Variants in LOC128092253 observed in about 807,000 individuals in gnomAD.
At chr6:133,972,534 G>A in the LOC128092253 span, among the ~76,000 whole-genome samples, 1 of 152,102 alleles carries the variant, frequency 6.6e-6, no homozygotes, top group African/African-American at 2.4e-5. Context: ...GGTTCATTTG[G>A]TTCTTGTCAC....
At chr6:133,958,196 G>T in the LOC128092253 span, among the ~76,000 whole-genome samples, 2 of 152,160 alleles carry the variant, frequency 1.3e-5, no homozygotes, top group East Asian at 1.9e-4. Context: ...CTGTGGACTT[G>T]ACTTGTTTAG....
chr6:133,961,807 T>G, the LOC128092253 span, among the ~76,000 whole-genome samples: 6 of 152,210 alleles, frequency 3.9e-5, no homozygotes, highest in African/African-American at 1.4e-4. Flanking sequence ...AGACCTTCCC[T>G]GGATCATTGC....
chr6:133,955,438 ATT>A, the LOC128092253 span, among the ~76,000 whole-genome samples: 1 of 151,944 alleles, frequency 6.6e-6, no homozygotes, highest in Non-Finnish European at 1.5e-5. Flanking sequence ...TTCTTACAGC[ATT>A]TTCAACATGT....
At chr6:133,968,186 A>G in the LOC128092253 span, among the ~76,000 whole-genome samples, 1 of 151,970 alleles carries the variant, frequency 6.6e-6, no homozygotes, top group East Asian at 1.9e-4. Flanking sequence ...ACGGGGTTTC[A>G]CCATGTTAGC....
the LOC128092253 span, among the ~76,000 whole-genome samples, chr6:133,968,539 T>A: frequency 2.6e-5 from 4 of 152,360 alleles, no homozygotes; most frequent in Middle Eastern, 3.4e-3. Context: ...TGAGTTTTTT[T>A]ATTCTTCAAA....
chr6:133,972,584 C>T, the LOC128092253 span, among the ~76,000 whole-genome samples: 1 of 152,186 alleles, frequency 6.6e-6, no homozygotes, highest in Non-Finnish European at 1.5e-5. Context: ...TGGAAACACA[C>T]GGGCATGGCT....
At chr6:133,963,236 G>A in the LOC128092253 span, among the ~76,000 whole-genome samples, 2 of 152,156 alleles carry the variant, frequency 1.3e-5, no homozygotes, top group Non-Finnish European at 2.9e-5. Context: ...AGGATTTATG[G>A]AGAGGGAAAT....
At chr6:133,960,181 G>A in the LOC128092253 span, among the ~76,000 whole-genome samples, 1 of 152,122 alleles carries the variant, frequency 6.6e-6, no homozygotes, top group Non-Finnish European at 1.5e-5. Context: ...TACAGATTAG[G>A]GTGGTTGCAG....
chr6:133,955,341 A>G, the LOC128092253 span, among the ~76,000 whole-genome samples: 2 of 148,226 alleles, frequency 1.3e-5, no homozygotes, highest in Admixed American at 1.4e-4. Context: ...CCGCCCCAAT[A>G]CTCCCAACTT....
chr6:133,958,283 C>T, the LOC128092253 span, among the ~76,000 whole-genome samples: 1 of 152,198 alleles, frequency 6.6e-6, no homozygotes, highest in Non-Finnish European at 1.5e-5. Context: ...TTAGAAGGCA[C>T]TATTTTTTAC....
the LOC128092253 span, among the ~76,000 whole-genome samples, chr6:133,970,557 G>A: frequency 6.6e-6 from 1 of 151,790 alleles, no homozygotes; most frequent in South Asian, 2.1e-4. Context: ...TGTGGAGAGA[G>A]TAGCATAATG....
chr6:133,974,024 A>C, the LOC128092253 span, among the ~76,000 whole-genome samples: 1 of 148,726 alleles, frequency 6.7e-6, no homozygotes, highest in Admixed American at 6.7e-5. Context: ...AAAAAAAGTC[A>C]CCCTGCTGTG....
chr6:133,955,032 T>G, the LOC128092253 span, among the ~76,000 whole-genome samples: 1 of 152,108 alleles, frequency 6.6e-6, no homozygotes, highest in African/African-American at 2.4e-5. Context: ...TTAAGTTGCA[T>G]TTTAAGACAT....
chr6:133,976,800 A>C, the LOC128092253 span, among the ~76,000 whole-genome samples: 60 of 152,064 alleles, frequency 3.9e-4, no homozygotes, highest in Non-Finnish European at 3.2e-4. Context: ...CAACCTGGCC[A>C]AGATGGTGAA....
At chr6:133,966,087 A>G in the LOC128092253 span, among the ~76,000 whole-genome samples, 1 of 152,140 alleles carries the variant, frequency 6.6e-6, no homozygotes, top group Non-Finnish European at 1.5e-5. Context: ...ACAGAAAGAA[A>G]CAGAGAGAGA....
chr6:133,979,813 A>C, the LOC128092253 span, among the ~76,000 whole-genome samples: 4 of 151,808 alleles, frequency 2.6e-5, no homozygotes, highest in Non-Finnish European at 4.4e-5. Flanking sequence ...TGCCCGGCTA[A>C]TTTTTGTATT....
chr6:133,955,052 A>AAG, the LOC128092253 span, among the ~76,000 whole-genome samples: 1 of 151,938 alleles, frequency 6.6e-6, no homozygotes, highest in African/African-American at 2.4e-5. Flanking sequence ...TTAAGAAGAA[A>AAG]AAGATAGATT....
the LOC128092253 span, among the ~76,000 whole-genome samples, chr6:133,978,737 G>A: frequency 6.6e-6 from 1 of 152,090 alleles, no homozygotes; most frequent in African/African-American, 2.4e-5. Context: ...CAGAAGTCTT[G>A]GTCTGGTTTG....
the LOC128092253 span, among the ~76,000 whole-genome samples, chr6:133,953,586 G>C: frequency 2.0e-5 from 3 of 152,130 alleles, no homozygotes; most frequent in African/African-American, 7.2e-5. Context: ...CCGCTGAGGT[G>C]GGGGAAACCG....
Sources: gnomAD v4.1 joint callset for allele counts (sites outside exome capture counted in the v4.1 genomes callset) on GRCh38, gnomAD v4.1.1 for gene constraint, MANE v1.5 for transcripts.